ROBO1: variants seen among roughly 807,000 people sequenced by gnomAD.
ROBO1 encodes roundabout homolog 1.
A neutral mutation model predicts 195.9 loss-of-function variants in ROBO1; 149 were observed. The ratio of observed to expected loss-of-function variants is 0.76; its 90% CI spans 0.67 to 0.87. The LOEUF is 0.87. ROBO1 is among the 40% of genes least tolerant of loss of function. The pLI is 0.00. For synonymous variants in ROBO1, 816 were observed against 733.2 expected (o/e 1.11, Z -1.82); for missense variants, 1,933 against 2,068.3 (o/e 0.93, Z 1.27).
intron 3 of ROBO1, among the ~76,000 whole-genome samples, chr3:79,028,527 T>C (rs993304075): frequency 6.6e-6 from 1 of 151,996 alleles, no homozygotes; most frequent in Non-Finnish European, 1.5e-5. Flanking sequence ...GTGCATAATC[T>C]GATTCTTTAA....
intron 4 of ROBO1, among the ~76,000 whole-genome samples, chr3:78,813,228 T>C (rs1437348899): frequency 1.5e-5 from 2 of 129,888 alleles, no homozygotes; most frequent in Admixed American, 7.6e-5. Context: ...TCATTTATTA[T>C]AGAAGTTTTA....
In ROBO1 at chr3:79,599,154, A is replaced by T. The variant is rs557057496; in HGVS notation, c.-50-9193T>A. On this transcript the variant is annotated intron_variant, in intron 1 of 30. Transcript: ENST00000464233. ...ATTATTTTATCACTACAAAATGAGT[A>T]TAAGATGGCTTTTATAACCCTGCAT... 3.9e-5 allele frequency among the ~76,000 whole-genome samples: 6 copies of T among 152,088 alleles called. No individual in the cohort carries two copies. The South Asian group carries it at 1.2e-3, about 31-fold the overall frequency.
At chr3:79,253,130 T>G (rs1353583903) in intron 2 of ROBO1, among the ~76,000 whole-genome samples, 9 of 152,186 alleles carry the variant, frequency 5.9e-5, no homozygotes, top group Non-Finnish European at 1.2e-4. Flanking sequence ...TGAAATTCAA[T>G]ACAAATCAAT....
At chr3:79,762,741 A>C (rs1704779642) in intron 1 of ROBO1, among the ~76,000 whole-genome samples, 1 of 152,154 alleles carries the variant, frequency 6.6e-6, no homozygotes, top group African/African-American at 2.4e-5. Flanking sequence ...TTCATATCAC[A>C]GAGTACCTTC....
At chr3:79,600,794 CATG>C (rs1944317027) in intron 1 of ROBO1, among the ~76,000 whole-genome samples, 1 of 151,920 alleles carries the variant, frequency 6.6e-6, no homozygotes, top group African/African-American at 2.4e-5. Flanking sequence ...TTTAATGGGA[CATG>C]ATGTCACTAT....
intron 8 of ROBO1, among the ~76,000 whole-genome samples, chr3:78,690,084 G>T (rs1190020254): frequency 6.8e-6 from 1 of 148,082 alleles, no homozygotes; most frequent in African/African-American, 2.5e-5. Context: ...CCTAAATCTG[G>T]GTATTTGAAT....
At chr3:78,674,937 A>G (rs953988607) in intron 10 of ROBO1, among the ~76,000 whole-genome samples, 1 of 152,108 alleles carries the variant, frequency 6.6e-6, no homozygotes, top group African/African-American at 2.4e-5. Context: ...TCATTATTGA[A>G]TTCACTATAT....
chr3:79,671,070 G>A (rs1471445775), intron 1 of ROBO1, among the ~76,000 whole-genome samples: 1 of 151,760 alleles, frequency 6.6e-6, no homozygotes, highest in Admixed American at 6.6e-5. Context: ...TAACAATGAA[G>A]CAGGTATATG....
chr3:79,289,079 T>C (rs184030065), intron 2 of ROBO1, among the ~76,000 whole-genome samples: 1 of 149,504 alleles, frequency 6.7e-6, no homozygotes, highest in African/African-American at 2.5e-5. Flanking sequence ...TTAATCTAAG[T>C]CCAGGTGAAA....
intron 3 of ROBO1, among the ~76,000 whole-genome samples, chr3:78,957,725 T>C (rs565896833): frequency 3.9e-5 from 6 of 152,332 alleles, no homozygotes; most frequent in African/African-American, 1.2e-4. Flanking sequence ...AGGTATCAAT[T>C]GCCTCTTCTC....
At chr3:79,355,514 T>C (rs2035515523) in intron 2 of ROBO1, among the ~76,000 whole-genome samples, 1 of 152,166 alleles carries the variant, frequency 6.6e-6, no homozygotes. Flanking sequence ...ATATTCCTCT[T>C]ATCTAACTGC....
At chr3:79,538,339 G>A (rs1009592222) in intron 2 of ROBO1, among the ~76,000 whole-genome samples, 1 of 151,962 alleles carries the variant, frequency 6.6e-6, no homozygotes, top group Admixed American at 6.6e-5. Context: ...AATGTTTAAG[G>A]CAATGAAAAA....
chr3:79,206,323 A>C (rs2108790955), intron 2 of ROBO1, among the ~76,000 whole-genome samples: 1 of 152,324 alleles, frequency 6.6e-6, no homozygotes, highest in Admixed American at 6.5e-5. Flanking sequence ...TTGCCAGCGT[A>C]ATAGTCTCAA....
intron 2 of ROBO1, among the ~76,000 whole-genome samples, chr3:79,543,588 A>G (rs1342444544): frequency 6.6e-6 from 1 of 152,078 alleles, no homozygotes; most frequent in Non-Finnish European, 1.5e-5. Flanking sequence ...CACTAAATTG[A>G]TTTACGATTA....
At chr3:79,203,499 T>A (rs1576810054) in intron 2 of ROBO1, among the ~76,000 whole-genome samples, 1 of 152,188 alleles carries the variant, frequency 6.6e-6, no homozygotes, top group South Asian at 2.1e-4. Flanking sequence ...TGGAGTCAAG[T>A]GGGTTGCAAA....
intron 2 of ROBO1, among the ~76,000 whole-genome samples, chr3:79,426,589 A>T (rs952895077): frequency 1.3e-5 from 2 of 152,040 alleles, no homozygotes; most frequent in African/African-American, 4.8e-5. Context: ...GCTGGTCTTG[A>T]ACTCCTGACC....
intron 1 of ROBO1, among the ~76,000 whole-genome samples, chr3:79,703,042 A>T (rs1947664120): frequency 6.6e-6 from 1 of 151,924 alleles, no homozygotes; most frequent in African/African-American, 2.4e-5. Context: ...TAGGAACCTT[A>T]GCATTGGCAT....
At chr3:79,729,516 C>T (rs541260555) in intron 1 of ROBO1, among the ~76,000 whole-genome samples, 44 of 152,252 alleles carry the variant, frequency 2.9e-4, no homozygotes, top group Non-Finnish European at 5.4e-4. Context: ...TTATTATTGA[C>T]TGTTTCCAAT....
intron 2 of ROBO1, among the ~76,000 whole-genome samples, chr3:79,584,449 G>C (rs1230865515): frequency 5.9e-5 from 9 of 151,304 alleles, no homozygotes; most frequent in Non-Finnish European, 1.2e-4. Context: ...GGAAGAAAGT[G>C]CTTGCTCAGG....
Sources: allele counts gnomAD v4.1 joint callset (sites outside exome capture counted in the v4.1 genomes callset), GRCh38; gene constraint gnomAD v4.1.1; transcripts MANE v1.5; gene names NCBI Gene and HGNC (gene_info 2026-07-23, HGNC 2026-07-21).